The following RASA2 variants were observed in gnomAD, a reference collection of about 807,000 sequenced individuals.
RASA2 encodes RAS p21 protein activator 2.
In RASA2, 155 loss-of-function variants were observed where a neutral mutation model predicts 118.2. That is an observed-to-expected ratio of 1.31 (90% CI 1.15 to 1.50). The LOEUF (loss-of-function observed/expected upper bound fraction) is 1.50. Among genes scored for constraint, RASA2 ranks in the 40% most tolerant of loss-of-function variants. The probability of loss-of-function intolerance (pLI) is 0.00; values close to 1 mark genes in which losing one functional copy is unlikely to be tolerated. For missense variants in RASA2, 1,016 were observed against 1,009.6 expected (o/e 1.01, Z -0.09); for synonymous variants, 353 against 349.1 (o/e 1.01, Z -0.12).
chr3:141,611,995 C>T (rs2083659950), intron 23 of RASA2, among the ~76,000 whole-genome samples: 1 of 152,196 alleles, frequency 6.6e-6, no homozygotes, highest in African/African-American at 2.4e-5. Flanking sequence ...ATATCAACCT[C>T]TACCATACTA....
chr3:141,549,486 T>TGC (rs2082540070), intron 5 of RASA2, among the ~76,000 whole-genome samples: 3 of 129,526 alleles, frequency 2.3e-5, no homozygotes, highest in Non-Finnish European at 3.6e-5. Context: ...TGTGTGTGCG[T>TGC]GTGTGTGTGT....
At chr3:141,503,605 A>G (rs73869644) in intron 1 of RASA2, among the ~76,000 whole-genome samples, 1,969 of 152,286 alleles carry the variant, frequency 0.013, 31 homozygotes, top group African/African-American at 0.045. Flanking sequence ...TGCAGAAGTT[A>G]CTTTCTCAAT....
chr3:141,508,346 G>A (rs926303453), intron 1 of RASA2, among the ~76,000 whole-genome samples: 7 of 151,900 alleles, frequency 4.6e-5, no homozygotes, highest in Middle Eastern at 3.2e-3. Flanking sequence ...GCAGTGTTAC[G>A]ATTTGGGCAC....
At position 141,572,779 on chromosome 3, in the gene RASA2, TA is replaced by T. The variant is rs969874615; in HGVS notation, c.1284+57del. Reference sequence around the variant, plus strand: ...TGTGGCCTTATGATAGTTGTTCTTTTATCAAGTGATCTATTGATGGGAAGGA... The same window carrying T: ...TGTGGCCTTATGATAGTTGTTCTTTTTCAAGTGATCTATTGATGGGAAGGA... On this transcript the variant is annotated intron_variant, in intron 12 of 23. Coordinates refer to ENST00000286364, the MANE Select transcript of RASA2 (RefSeq NM_006506.5). The T allele has an allele frequency of 1.0e-5, 13 of 1,293,390 alleles. No individual in the cohort carries two copies. In the African/African-American group the frequency reaches 1.6e-4, roughly 16 times the overall value. The allele number at this position is 1,293,390 out of a possible 1,614,324, so 80.1% of individuals were successfully genotyped here. A position where few individuals can be genotyped will look rare whatever the true frequency, so the allele number is the denominator to read the frequency against.
chr3:141,515,197 T>C (rs2082005033), intron 2 of RASA2, among the ~76,000 whole-genome samples: 2 of 152,216 alleles, frequency 1.3e-5, no homozygotes, highest in Non-Finnish European at 1.5e-5. Context: ...TTTAAAAATA[T>C]TTTTTAAAGT....
chr3:141,506,557 A>T (rs1307971672), intron 1 of RASA2, among the ~76,000 whole-genome samples: 1 of 152,208 alleles, frequency 6.6e-6, no homozygotes, highest in South Asian at 2.1e-4. Context: ...TGATTTGTGA[A>T]TTTAAGGATA....
chr3:141,579,094 A>G (rs1432795079), intron 15 of RASA2, among the ~76,000 whole-genome samples: 1 of 152,068 alleles, frequency 6.6e-6, no homozygotes, highest in Non-Finnish European at 1.5e-5. Context: ...TCCCCTTCAC[A>G]TTCATTGCCT....
intron 19 of RASA2, among the ~76,000 whole-genome samples, chr3:141,591,276 C>A (rs1242724755): frequency 6.6e-6 from 1 of 152,138 alleles, no homozygotes; most frequent in East Asian, 1.9e-4. Context: ...AAAATATCTA[C>A]CTAAAAATTC....
intron 19 of RASA2, among the ~76,000 whole-genome samples, chr3:141,599,594 G>A (rs900551853): frequency 6.6e-6 from 1 of 152,150 alleles, no homozygotes; most frequent in Non-Finnish European, 1.5e-5. Flanking sequence ...GAACTACAAA[G>A]ACAGGAGGTA....
intron 1 of RASA2, among the ~76,000 whole-genome samples, chr3:141,494,472 G>A (rs1296876377): frequency 1.3e-5 from 2 of 152,138 alleles, no homozygotes; most frequent in South Asian, 2.1e-4. Context: ...GGGTTCAAGC[G>A]ATTCTCCTGC....
chr3:141,613,668 T>G lies in RASA2; in HGVS notation c.*1355T>G, dbSNP rs1449990921. On this transcript the variant is annotated 3_prime_UTR_variant, in exon 24 of 24. Coordinates refer to ENST00000286364, the MANE Select transcript of RASA2 (RefSeq NM_006506.5). ...TTAATGTAAGTCTGCTAGTAGTACT[T>G]TTTTTGTCTGAGCATAAGCTATATT... The G allele has an allele frequency of 6.6e-6, 1 of 152,226 alleles. No individual in the cohort carries two copies. Among genetic ancestry groups the G allele is most frequent in the African/African-American group, 2.4e-5 (1 of 41,456 alleles). The allele number at this position is 152,226 out of a possible 1,614,324, so 9.4% of individuals were successfully genotyped here. A position where few individuals can be genotyped will look rare whatever the true frequency, so the allele number is the denominator to read the frequency against.
intron 3 of RASA2, among the ~76,000 whole-genome samples, chr3:141,523,047 G>A (rs891048681): frequency 3.3e-5 from 5 of 152,116 alleles, no homozygotes; most frequent in African/African-American, 1.2e-4. Flanking sequence ...CCTGAGTGTG[G>A]AAATGTGTTT....
At chr3:141,600,255 C>T in intron 19 of RASA2, 1 of 526,850 alleles carries the variant, frequency 1.9e-6, no homozygotes, top group Non-Finnish European at 3.9e-6. Context: ...AAGGAGGACA[C>T]CCTGTATGTA....
chr3:141,610,061 G>C lies in RASA2; in HGVS notation c.2514G>C (p.Gly838=), dbSNP rs114158487. ...RKKRSSSAKY[G]SKENPIVGKA... is the part of the protein sequence containing the mutation. Reference sequence around the variant, plus strand: ...AAAGATCCAGTAGTGCAAAATATGGGAGCAAGTGAGTAATTTTTAAGCTAT... The same window carrying C: ...AAAGATCCAGTAGTGCAAAATATGGCAGCAAGTGAGTAATTTTTAAGCTAT... The change falls in exon 23 of 24, where the codon GGG becomes GGC. Residue 838 remains glycine, a synonymous_variant. Transcript: ENST00000286364. 1.7e-4 allele frequency: 265 copies of C among 1,570,846 alleles called. No individual in the cohort carries two copies. In the African/African-American group the frequency reaches 2.9e-3, roughly 17 times the overall value.
intron 9 of RASA2, among the ~76,000 whole-genome samples, chr3:141,568,326 G>A (rs2082857190): frequency 6.6e-6 from 1 of 151,834 alleles, no homozygotes; most frequent in Admixed American, 6.6e-5. Context: ...TGACTAATAG[G>A]CTCAGAACTC....
chr3:141,584,838 A>AT (rs2083174192), intron 17 of RASA2, among the ~76,000 whole-genome samples: 2 of 152,022 alleles, frequency 1.3e-5, no homozygotes, highest in Admixed American at 6.6e-5. Flanking sequence ...TGGATTTTGG[A>AT]TTTTTTTCAA....
At position 141,608,677 on chromosome 3, in the gene RASA2, C is replaced by T. The variant is rs1029424231; in HGVS notation, c.2205C>T (p.Leu735=). Residue 735 remains leucine, a synonymous_variant, in exon 21 of 24, where the codon CTC becomes CTT. Transcript: ENST00000286364. ...GTCAGGAGACTGGTGAAAACACTCTCGGCTGCAAGCCATGTACTGCGTAAG... is the reference window on the plus strand; with the variant it reads ...GTCAGGAGACTGGTGAAAACACTCTTGGCTGCAAGCCATGTACTGCGTAAG... ...LCCQETGENT[L]GCKPCTAGVP... 9.9e-6 allele frequency: 16 copies of T among 1,613,608 alleles called. No homozygotes were observed. Among genetic ancestry groups the T allele is most frequent in the East Asian group, 2.2e-5 (1 of 44,880 alleles).
intron 5 of RASA2, among the ~76,000 whole-genome samples, chr3:141,541,355 T>C (rs1261298402): frequency 2.0e-5 from 3 of 152,144 alleles, no homozygotes; most frequent in Admixed American, 2.0e-4. Flanking sequence ...CTTATTCTCA[T>C]CAATTGTGAA....
chr3:141,511,244 A>C (rs1480482404), intron 1 of RASA2, among the ~76,000 whole-genome samples: 1 of 152,128 alleles, frequency 6.6e-6, no homozygotes, highest in African/African-American at 2.4e-5. Context: ...TTAAATTTGA[A>C]ATGCCTACTG....
Sources: gnomAD v4.1 joint callset for allele counts (sites outside exome capture counted in the v4.1 genomes callset) on GRCh38, gnomAD v4.1.1 for gene constraint, MANE v1.5 for transcripts, NCBI Gene and HGNC (gene_info 2026-07-23, HGNC 2026-07-21) for gene names.